WWOX: variants seen among roughly 807,000 people sequenced by gnomAD.
The protein encoded by WWOX is WW domain-containing oxidoreductase.
WWOX carries 69 observed loss-of-function variants against 46.2 expected under a neutral mutation model. That is an observed-to-expected ratio of 1.49 (90% CI 1.23 to 1.82). The LOEUF (loss-of-function observed/expected upper bound fraction) is 1.82. Ranked by LOEUF, WWOX falls within the 40% of genes most tolerant of loss-of-function variation. WWOX has a pLI of 0.00. For synonymous variants in WWOX, 359 were observed against 202.6 expected (o/e 1.77, Z -6.56); for missense variants, 919 against 542.6 (o/e 1.69, Z -6.89).
chr16:78,512,621 G>A (rs756882317), intron 8 of WWOX, among the ~76,000 whole-genome samples: 4 of 152,142 alleles, frequency 2.6e-5, no homozygotes, highest in African/African-American at 9.7e-5. Flanking sequence ...TACTATGTGC[G>A]GAGCCTTAAA....
intron 8 of WWOX, among the ~76,000 whole-genome samples, chr16:79,094,146 C>G (rs1051737137): frequency 6.6e-6 from 1 of 152,096 alleles, no homozygotes; most frequent in Non-Finnish European, 1.5e-5. Flanking sequence ...CATTTACAAA[C>G]AACTGTGCAT....
In WWOX at chr16:79,112,190, T is replaced by A. The variant is rs187759818; in HGVS notation, c.1057-99418T>A. Among the ~76,000 whole-genome samples, 20 of 152,258 alleles carry A rather than the reference T, an allele frequency of 1.3e-4. No individual in the cohort carries two copies. The South Asian group carries it at 3.3e-3, about 25-fold the overall frequency. ...CTTTAAATAATTAATTCTTCTTTCT[T>A]TGTAAGTATTATACATGCCAAACAG... On this transcript the variant is annotated intron_variant, in intron 8 of 8. Transcript: ENST00000566780.
intron 6 of WWOX, among the ~76,000 whole-genome samples, chr16:78,399,098 G>C (rs1024554315): frequency 6.7e-6 from 1 of 148,260 alleles, no homozygotes. Context: ...TGGAAGGGGT[G>C]GAAGGGGATG....
chr16:78,958,836 AT>A (rs1177696985), intron 8 of WWOX, among the ~76,000 whole-genome samples: 19 of 152,188 alleles, frequency 1.2e-4, no homozygotes, highest in Admixed American at 3.3e-4. Context: ...AGGTTATGTA[AT>A]TTTAAAATTC....
At chr16:79,036,238 C>G (rs1007947682) in intron 8 of WWOX, among the ~76,000 whole-genome samples, 2 of 152,228 alleles carry the variant, frequency 1.3e-5, no homozygotes, top group East Asian at 3.9e-4. Flanking sequence ...CCCACTCTGT[C>G]AACCATGCCA....
chr16:78,196,042 T>A (rs2036041222), intron 5 of WWOX, among the ~76,000 whole-genome samples: 1 of 152,140 alleles, frequency 6.6e-6, no homozygotes, highest in African/African-American at 2.4e-5. Context: ...AATCTTTGCC[T>A]TATCTCGATG....
chr16:78,979,062 C>T (rs2046629095), intron 8 of WWOX, among the ~76,000 whole-genome samples: 1 of 150,470 alleles, frequency 6.6e-6, no homozygotes, highest in Non-Finnish European at 1.5e-5. Flanking sequence ...TCTCCTTCGT[C>T]CTCCCTGCTC....
intron 6 of WWOX, among the ~76,000 whole-genome samples, chr16:78,404,817 C>G (rs28578322): frequency 0.04 from 6,144 of 152,132 alleles, 413 homozygotes; most frequent in African/African-American, 0.14. Flanking sequence ...TTAAATGTCC[C>G]CAGGAAGCCA....
chr16:78,607,443 C>T (rs930401402), intron 8 of WWOX, among the ~76,000 whole-genome samples: 1 of 152,046 alleles, frequency 6.6e-6, no homozygotes, highest in Admixed American at 6.6e-5. Flanking sequence ...GATAATTAAG[C>T]ACAAATTGTT....
intron 8 of WWOX, among the ~76,000 whole-genome samples, chr16:79,193,193 G>T (rs1034333819): frequency 6.6e-6 from 1 of 152,174 alleles, no homozygotes; most frequent in Non-Finnish European, 1.5e-5. Flanking sequence ...TATGGAATCA[G>T]ATAGACCAAA....
At chr16:78,368,996 C>A (rs563221798) in intron 5 of WWOX, among the ~76,000 whole-genome samples, 1 of 152,140 alleles carries the variant, frequency 6.6e-6, no homozygotes, top group African/African-American at 2.4e-5. Context: ...CTCCCCATCT[C>A]CCCTTCTTAT....
chr16:78,219,788 C>G (rs1033294903), intron 5 of WWOX, among the ~76,000 whole-genome samples: 61 of 152,270 alleles, frequency 4.0e-4, no homozygotes, highest in Middle Eastern at 3.4e-3. Flanking sequence ...AATCTCTTCT[C>G]TTTTCCTTCT....
intron 5 of WWOX, among the ~76,000 whole-genome samples, chr16:78,170,747 A>C (rs1430048166): frequency 6.6e-6 from 1 of 152,374 alleles, no homozygotes; most frequent in East Asian, 1.9e-4. Context: ...TACACTCTGC[A>C]TATATTTTGG....
chr16:79,036,412 G>C (rs1181055222), intron 8 of WWOX, among the ~76,000 whole-genome samples: 1 of 152,158 alleles, frequency 6.6e-6, no homozygotes, highest in Admixed American at 6.5e-5. Context: ...TAGAATTATT[G>C]CCCGTTGACC....
intron 8 of WWOX, among the ~76,000 whole-genome samples, chr16:79,056,992 A>C (rs1267603501): frequency 6.6e-6 from 1 of 152,196 alleles, no homozygotes; most frequent in African/African-American, 2.4e-5. Context: ...TGTCATTGGC[A>C]TTATCGTTCA....
chr16:78,351,460 G>A (rs944308486), intron 5 of WWOX, among the ~76,000 whole-genome samples: 16 of 152,182 alleles, frequency 1.1e-4, no homozygotes, highest in Admixed American at 2.6e-4. Flanking sequence ...GGTGAGGGGG[G>A]ATATCATATA....
chr16:78,475,632 G>C (rs1186750477), intron 8 of WWOX, among the ~76,000 whole-genome samples: 1 of 152,090 alleles, frequency 6.6e-6, no homozygotes, highest in East Asian at 1.9e-4. Flanking sequence ...GACAGCGTCT[G>C]TTACCCAGGC....
At chr16:78,181,559 G>T (rs1211390904) in intron 5 of WWOX, among the ~76,000 whole-genome samples, 4 of 152,172 alleles carry the variant, frequency 2.6e-5, no homozygotes, top group Non-Finnish European at 5.9e-5. Flanking sequence ...TCCGTGGCTG[G>T]GATCCACAGT....
intron 1 of WWOX, among the ~76,000 whole-genome samples, chr16:78,100,725 T>G (rs1253158154): frequency 6.6e-6 from 1 of 152,242 alleles, no homozygotes; most frequent in Non-Finnish European, 1.5e-5. Context: ...GTTCAGGCAC[T>G]GTGCGTAAAG....
Sources: gnomAD v4.1 joint callset for allele counts (sites outside exome capture counted in the v4.1 genomes callset) on GRCh38, gnomAD v4.1.1 for gene constraint, MANE v1.5 for transcripts, NCBI Gene and HGNC (gene_info 2026-07-23, HGNC 2026-07-21) for gene names.